Variants in TNIK observed in about 807,000 individuals in gnomAD.
TNIK encodes the protein TRAF2 and NCK-interacting protein kinase.
Under a neutral mutation model 191.3 loss-of-function variants are expected in TNIK, and 49 were observed. The observed-to-expected ratio is 0.26, with a 90% CI of 0.20 to 0.32. The LOEUF (loss-of-function observed/expected upper bound fraction) is 0.32, where lower values mean the gene tolerates loss of function less well. Ranked by LOEUF, TNIK falls within the 10% of genes least tolerant of loss-of-function variation. The pLI is 1.00. For missense variants in TNIK, 1,155 were observed against 1,702.3 expected, an observed-to-expected ratio of 0.68 and a Z score of 5.66; for synonymous variants, 594 against 600.9, an observed-to-expected ratio of 0.99 and a Z score of 0.17.
chr3:171,104,964 G>A (rs1724497643), intron 21 of TNIK, among the ~76,000 whole-genome samples: 1 of 149,490 alleles, frequency 6.7e-6, no homozygotes, highest in African/African-American at 2.6e-5. Flanking sequence ...TGCCAACAGA[G>A]AAAACCCATT....
chr3:171,222,911 C>T (rs753431805), intron 3 of TNIK, among the ~76,000 whole-genome samples: 3 of 152,058 alleles, frequency 2.0e-5, no homozygotes, highest in South Asian at 2.1e-4. Flanking sequence ...TACGGTCTCC[C>T]ACCCTTGGTT....
chr3:171,140,308 C>G (rs1730631205), intron 13 of TNIK, 91 bp downstream of exon 13: 1 of 1,038,468 alleles, frequency 9.6e-7, no homozygotes, highest in African/African-American at 1.6e-5. Flanking sequence ...GTAAACTGAG[C>G]ATTCCTCAGA....
intron 2 of TNIK, among the ~76,000 whole-genome samples, chr3:171,285,495 T>C (rs1465513479): frequency 1.3e-5 from 2 of 152,198 alleles, no homozygotes; most frequent in Non-Finnish European, 2.9e-5. Flanking sequence ...AGCAGCTATA[T>C]TGTTATGACT....
At chr3:171,099,348 T>C (rs1347974721) in intron 22 of TNIK, among the ~76,000 whole-genome samples, 1 of 150,932 alleles carries the variant, frequency 6.6e-6, no homozygotes, top group Admixed American at 6.7e-5. Flanking sequence ...CTCTTCCCCC[T>C]GCTTGGGATT....
chr3:171,140,746 C>G (rs1730708053), intron 12 of TNIK, among the ~76,000 whole-genome samples: 1 of 152,140 alleles, frequency 6.6e-6, no homozygotes, highest in Non-Finnish European at 1.5e-5. Context: ...AGACTCTCAC[C>G]AAGACGTTCC....
chr3:171,281,141 C>G (rs1348205830), intron 2 of TNIK, among the ~76,000 whole-genome samples: 3 of 151,978 alleles, frequency 2.0e-5, no homozygotes, highest in Non-Finnish European at 4.4e-5. Flanking sequence ...CTAGGGTCCC[C>G]AGGTTTTGCT....
At chr3:171,280,384 C>A (rs1296649039) in intron 2 of TNIK, among the ~76,000 whole-genome samples, 1 of 152,194 alleles carries the variant, frequency 6.6e-6, no homozygotes, top group Non-Finnish European at 1.5e-5. Flanking sequence ...CCACCACTTA[C>A]AAGTTATGTG....
At chr3:171,392,648 G>A (rs1379336697) in intron 1 of TNIK, among the ~76,000 whole-genome samples, 3 of 151,442 alleles carry the variant, frequency 2.0e-5, no homozygotes, top group Non-Finnish European at 4.4e-5. Context: ...GGTGTGGTGG[G>A]GGATGCCTGT....
intron 2 of TNIK, among the ~76,000 whole-genome samples, chr3:171,263,608 T>TA: frequency 6.6e-6 from 1 of 152,116 alleles, no homozygotes; most frequent in Non-Finnish European, 1.5e-5. Flanking sequence ...TAAAACATAC[T>TA]TTTCCTTTAG....
chr3:171,110,769 T>TTGGGAGCTGGGC lies in TNIK; in HGVS notation c.2217_2228dup (p.Pro740_Gln743dup), dbSNP rs766840111. ...CTTGTGATCCAGGCTGGGAGCCTCC[T>TTGGGAGCTGGGC]TGGGAGCTGGGCTGGGAGCTAGGGG... On this transcript the variant is annotated inframe_insertion, in exon 19 of 33. Transcript: ENST00000436636. 5.0e-6 allele frequency: 8 copies of TTGGGAGCTGGGC among 1,603,576 alleles called. No homozygotes were observed. Among genetic ancestry groups the TTGGGAGCTGGGC allele is most frequent in the East Asian group, 2.2e-5 (1 of 44,614 alleles).
In TNIK at chr3:171,085,100, A is replaced by C; in HGVS notation, c.2998+18T>G. 3 of 1,578,136 alleles carry C rather than the reference A, an allele frequency of 1.9e-6. No homozygotes were observed. Among genetic ancestry groups the C allele is most frequent in the East Asian group, 2.3e-5 (1 of 44,060 alleles). Reference sequence around the variant, plus strand: ...GAAGACGAAGCTGTTTTTTAAACACAGGGCCCTTCTTGCTTACCTGCGGCT... The same window carrying C: ...GAAGACGAAGCTGTTTTTTAAACACCGGGCCCTTCTTGCTTACCTGCGGCT... On this transcript the variant is annotated intron_variant, in intron 25 of 32. Coordinates refer to ENST00000436636, the MANE Select transcript of TNIK (RefSeq NM_015028.4).
At chr3:171,305,970 C>T (rs908337954) in intron 2 of TNIK, among the ~76,000 whole-genome samples, 1 of 152,080 alleles carries the variant, frequency 6.6e-6, no homozygotes, top group African/African-American at 2.4e-5. Context: ...CACTAATTGC[C>T]CATCAATGAC....
chr3:171,119,794 T>C (rs867252981), intron 18 of TNIK, among the ~76,000 whole-genome samples: 12 of 151,192 alleles, frequency 7.9e-5, no homozygotes, highest in African/African-American at 2.4e-4. Context: ...CCGGGGCCTG[T>C]TGTGGGGTTG....
intron 2 of TNIK, among the ~76,000 whole-genome samples, chr3:171,304,121 T>G (rs1338211770): frequency 6.6e-6 from 1 of 151,892 alleles, no homozygotes; most frequent in African/African-American, 2.4e-5. Context: ...AGAGTACATA[T>G]GGATGTCTGC....
chr3:171,457,426 G>T (rs1002379667), intron 1 of TNIK, among the ~76,000 whole-genome samples: 3 of 152,150 alleles, frequency 2.0e-5, no homozygotes, highest in Non-Finnish European at 4.4e-5. Flanking sequence ...AACAGCGAGG[G>T]ACTGGTAAGT....
chr3:171,079,698 T>C (rs1365851835), intron 27 of TNIK, 46 bp from the exon 28 acceptor site: 1 of 1,554,490 alleles, frequency 6.4e-7, no homozygotes, highest in South Asian at 1.2e-5. Flanking sequence ...GTGACAGCTC[T>C]CACTTTTTCC....
At chr3:171,441,746 G>A (rs1424371162) in intron 1 of TNIK, among the ~76,000 whole-genome samples, 1 of 152,142 alleles carries the variant, frequency 6.6e-6, no homozygotes, top group African/African-American at 2.4e-5. Flanking sequence ...CAAAGTGGCT[G>A]AGTTATTTCA....
chr3:171,447,803 A>G (rs1197324474), intron 1 of TNIK, among the ~76,000 whole-genome samples: 1 of 152,222 alleles, frequency 6.6e-6, no homozygotes, highest in African/African-American at 2.4e-5. Context: ...TGTTTATTGA[A>G]GCACTATTTA....
chr3:171,091,755 A>ATAT (rs1447017562), intron 23 of TNIK, among the ~76,000 whole-genome samples: 1 of 151,734 alleles, frequency 6.6e-6, no homozygotes, highest in Non-Finnish European at 1.5e-5. Context: ...AATAATAATA[A>ATAT]TAAAGCAGTC....
Sources: allele counts gnomAD v4.1 joint callset (sites outside exome capture counted in the v4.1 genomes callset), GRCh38; gene constraint gnomAD v4.1.1; transcripts MANE v1.5; gene names NCBI Gene and HGNC (gene_info 2026-07-23, HGNC 2026-07-21).